RPRD1B: variants seen among roughly 807,000 people sequenced by gnomAD.
RPRD1B encodes regulation of nuclear pre-mRNA domain-containing protein 1B.
Under a neutral mutation model 41.5 loss-of-function variants are expected in RPRD1B, and 11 were observed. The ratio of observed to expected loss-of-function variants is 0.27; its 90% CI spans 0.17 to 0.44. RPRD1B has a LOEUF of 0.44. RPRD1B is among the 20% of genes least tolerant of loss of function. The pLI, the probability that RPRD1B is intolerant of heterozygous loss-of-function variation, is 1.00. For synonymous variants in RPRD1B, 158 were observed against 155.6 expected, an observed-to-expected ratio of 1.02 and a Z score of -0.12; for missense variants, 248 against 389.9, an observed-to-expected ratio of 0.64 and a Z score of 3.06.
intron 4 of RPRD1B, among the ~76,000 whole-genome samples, 171 bp downstream of exon 4, chr20:38,057,815 AGTAT>A (rs971409244): frequency 6.6e-6 from 1 of 152,228 alleles, no homozygotes; most frequent in African/African-American, 2.4e-5. Flanking sequence ...GGCAGGTGTC[AGTAT>A]GTCTTTGCGT....
chr20:38,092,190 CTT>C lies in RPRD1B; in HGVS notation c.*2316_*2317del. ...CTTTAGGTCATATTCCTCAGAAAGT[CTT>C]CAATCTTCCCTTGTTTTTGTTTGTT... On this transcript the variant is annotated 3_prime_UTR_variant, in exon 7 of 7. Transcript: ENST00000373433. The C allele has an allele frequency of 1.0e-6, 1 of 985,662 alleles. No individual in the cohort carries two copies. Among genetic ancestry groups the C allele is most frequent in the Middle Eastern group, 5.2e-4 (1 of 1,914 alleles). The allele number at this position is 985,662 out of a possible 1,614,324, so 61.1% of individuals were successfully genotyped here. A position where few individuals can be genotyped will look rare whatever the true frequency, so the allele number is the denominator to read the frequency against.
chr20:38,087,903 GT>G (rs1272909810), intron 6 of RPRD1B, among the ~76,000 whole-genome samples: 2 of 152,198 alleles, frequency 1.3e-5, no homozygotes, highest in Non-Finnish European at 2.9e-5. Flanking sequence ...GGTGCCTACT[GT>G]TTGCTGGACA....
intron 6 of RPRD1B, chr20:38,070,403 G>T (rs770898518): frequency 5.0e-5 from 49 of 985,372 alleles, no homozygotes; most frequent in Non-Finnish European, 5.8e-5. Flanking sequence ...TAGAGAATGT[G>T]GAGGGTATAG....
intron 6 of RPRD1B, among the ~76,000 whole-genome samples, chr20:38,075,813 GC>G (rs1414944494): frequency 6.6e-6 from 1 of 152,214 alleles, no homozygotes; most frequent in Non-Finnish European, 1.5e-5. Context: ...CAAAGATATG[GC>G]ATGCTTTATG....
intron 6 of RPRD1B, among the ~76,000 whole-genome samples, chr20:38,089,402 T>C (rs574570481): frequency 6.6e-6 from 1 of 152,332 alleles, no homozygotes; most frequent in African/African-American, 2.4e-5. Context: ...TTTTATTTTA[T>C]AAAGCATTTT....
intron 5 of RPRD1B, among the ~76,000 whole-genome samples, chr20:38,062,796 C>T (rs1413666217): frequency 2.1e-5 from 3 of 145,176 alleles, no homozygotes; most frequent in Admixed American, 6.8e-5. Flanking sequence ...AACACCCCCA[C>T]GACTCCCCCC....
At chr20:38,060,370 T>C (rs1397589288) in intron 5 of RPRD1B, among the ~76,000 whole-genome samples, 1 of 152,208 alleles carries the variant, frequency 6.6e-6, no homozygotes, top group African/African-American at 2.4e-5. Context: ...TTCTTCCATA[T>C]CTATCTAAAG....
rs189717102 is a variant in RPRD1B at position 38,082,630 on chromosome 20, G to A, written c.832-7096G>A. Among the ~76,000 whole-genome samples the A allele has an allele frequency of 2.4e-4, 36 of 152,160 alleles. 1 individual carries two copies. The South Asian group carries it at 6.8e-3, about 29-fold the overall frequency. The stretch of plus-strand genomic sequence containing the variant: ...TCTCGGTCTCCTGACCTCGTGATCC[G>A]CCTGCCTTGGCCTCCCAAAGTGCTG... On this transcript the variant is annotated intron_variant, in intron 6 of 6. Transcript: ENST00000373433.
At chr20:38,084,019 T>C (rs968761281) in intron 6 of RPRD1B, 2 of 152,172 alleles carry the variant, frequency 1.3e-5, no homozygotes, top group African/African-American at 4.8e-5. Context: ...TATTCATATA[T>C]TGTATTTTCC....
At chr20:38,063,209 G>A (rs968015421) in intron 5 of RPRD1B, among the ~76,000 whole-genome samples, 2 of 151,960 alleles carry the variant, frequency 1.3e-5, no homozygotes, top group Non-Finnish European at 2.9e-5. Context: ...TCACCTTAGC[G>A]AAGCTCACCC....
Position 38,090,043 on chromosome 20 carries a change from G to T in RPRD1B, c.*168G>T. 7.0e-7 allele frequency: 1 copy of T among 1,423,256 alleles called. No homozygotes were observed. The highest frequency in any genetic ancestry group is 1.6e-5 in the South Asian group (1 of 63,092). 88.2% of individuals were successfully genotyped at this position (1,423,256 alleles called of 1,614,324 possible). A position where few individuals can be genotyped will look rare whatever the true frequency, so the allele number is the denominator to read the frequency against. ...TCTCCTCTTCAGCCTCTCATCTTGA[G>T]CACAGTTCAGAACAGTGGCGACTGG... On this transcript the variant is annotated 3_prime_UTR_variant, in exon 7 of 7. Transcript: ENST00000373433.
chr20:38,086,623 C>T (rs1199250495), intron 6 of RPRD1B, among the ~76,000 whole-genome samples: 1 of 152,162 alleles, frequency 6.6e-6, no homozygotes, highest in African/African-American at 2.4e-5. Flanking sequence ...GCGTGAGCCA[C>T]CATGCCCAGG....
intron 1 of RPRD1B, among the ~76,000 whole-genome samples, chr20:38,038,489 T>TG (rs1555798663): frequency 8.2e-6 from 1 of 121,984 alleles, no homozygotes; most frequent in Middle Eastern, 3.6e-3. Flanking sequence ...TTTTTTGTTT[T>TG]GTTTTTTTTT....
Position 38,091,081 on chromosome 20 carries a change from GC to G in RPRD1B, c.*1207del. 1 of 985,784 alleles carries G rather than the reference GC, an allele frequency of 1.0e-6. No homozygotes were observed. Among genetic ancestry groups the G allele is most frequent in the Non-Finnish European group, 1.2e-6 (1 of 829,914 alleles). 61.1% of individuals were successfully genotyped at this position (985,784 alleles called of 1,614,324 possible). A position where few individuals can be genotyped will look rare whatever the true frequency, so the allele number is the denominator to read the frequency against. On this transcript the variant is annotated 3_prime_UTR_variant, in exon 7 of 7. Coordinates refer to ENST00000373433, the MANE Select transcript of RPRD1B (RefSeq NM_021215.4). Reference sequence around the variant, plus strand: ...TGTAGTTAGAGACAATTTTTATCTTGCTTATAGTAAAGGTTCAGCCTGCCAA... The same window carrying G: ...TGTAGTTAGAGACAATTTTTATCTTGTTATAGTAAAGGTTCAGCCTGCCAA...
At position 38,089,265 on chromosome 20, in the gene RPRD1B, T is replaced by A. The variant is rs541814155; in HGVS notation, c.832-461T>A. ...GGGGTATTTTGAGCTTCTATAGTGC[T>A]TGTTTGCAAAACATGATAAATTTAG... On this transcript the variant is annotated intron_variant, in intron 6 of 6. Coordinates refer to ENST00000373433, the MANE Select transcript of RPRD1B (RefSeq NM_021215.4). 1.6e-3 allele frequency among the ~76,000 whole-genome samples: 239 copies of A among 152,248 alleles called. 1 individual carries two copies. Among genetic ancestry groups the A allele is most frequent in the South Asian group, 0.014 (66 of 4,816 alleles).
chr20:38,090,953 T>A lies in RPRD1B; in HGVS notation c.*1078T>A. ...CACGACGGGGAGTACTTGCGTCAGA[T>A]GTTATTGAATAGCTCGTCTCGGGCA... On this transcript the variant is annotated 3_prime_UTR_variant, in exon 7 of 7. Transcript: ENST00000373433. 1 of 985,212 alleles carries A rather than the reference T, an allele frequency of 1.0e-6. No homozygotes were observed. The highest frequency in any genetic ancestry group is 1.2e-6 in the Non-Finnish European group (1 of 829,826). The allele number at this position is 985,212 out of a possible 1,614,324, so 61.0% of individuals were successfully genotyped here. A position where few individuals can be genotyped will look rare whatever the true frequency, so the allele number is the denominator to read the frequency against.
At chr20:38,039,671 T>C (rs2074043682) in intron 1 of RPRD1B, among the ~76,000 whole-genome samples, 1 of 151,900 alleles carries the variant, frequency 6.6e-6, no homozygotes, top group South Asian at 2.1e-4. Flanking sequence ...CCAAAAGTGC[T>C]GGGATGACAG....
rs2074054553 is a variant in RPRD1B, at chr20:38,040,424, CT to C, written c.152-4del. On this transcript the variant is annotated splice_polypyrimidine_tract_variant and intron_variant, in intron 1 of 6. Coordinates refer to ENST00000373433, the MANE Select transcript of RPRD1B (RefSeq NM_021215.4). ...GGTGTAAGTTAAATTCTTTTCTTTT[CT>C]TTTTTTCAGCCAAATCAAATAGAAA... 4.5e-6 allele frequency: 7 copies of C among 1,572,382 alleles called. No homozygotes were observed. The highest frequency in any genetic ancestry group is 4.2e-5 in the African/African-American group (3 of 72,098).
At chr20:38,077,253 G>T (rs1392457018) in intron 6 of RPRD1B, among the ~76,000 whole-genome samples, 1 of 151,954 alleles carries the variant, frequency 6.6e-6, no homozygotes, top group Non-Finnish European at 1.5e-5. Context: ...ACTTAGGCTG[G>T]CTTCAGTTAC....
Sources: allele counts gnomAD v4.1 joint callset (sites outside exome capture counted in the v4.1 genomes callset), GRCh38; gene constraint gnomAD v4.1.1; transcripts MANE v1.5; gene names NCBI Gene and HGNC (gene_info 2026-07-23, HGNC 2026-07-21).